PPP1R13L: variants seen among roughly 807,000 people sequenced by gnomAD.
PPP1R13L encodes the protein protein phosphatase 1 regulatory subunit 13 like.
A neutral mutation model predicts 80.9 loss-of-function variants in PPP1R13L; 50 were observed. That is an observed-to-expected ratio of 0.62 (90% CI 0.49 to 0.78). The LOEUF (loss-of-function observed/expected upper bound fraction) is 0.78, where lower values mean the gene tolerates loss of function less well. PPP1R13L is among the 30% of genes least tolerant of loss of function. The pLI is 0.00. For synonymous variants in PPP1R13L, 602 were observed against 534.3 expected (o/e 1.13, Z -1.75); for missense variants, 1,200 against 1,205.9 (o/e 1.00, Z 0.07).
intron 7 of PPP1R13L, 165 bp downstream of exon 7, chr19:45,395,271 G>A: frequency 1.1e-6 from 1 of 916,346 alleles, no homozygotes; most frequent in Non-Finnish European, 1.7e-6. Context: ...AGCTATCCCT[G>A]GCTCCTACCC....
chr19:45,396,659 G>T lies in PPP1R13L; in HGVS notation c.598C>A (p.Arg200Ser), dbSNP rs753074597. 2.2e-5 allele frequency: 32 copies of T among 1,463,532 alleles called. No homozygotes were observed. Among genetic ancestry groups the T allele is most frequent in the Non-Finnish European group, 2.6e-5 (29 of 1,118,854 alleles). 90.7% of individuals were successfully genotyped at this position (1,463,532 alleles called of 1,614,324 possible). A position where few individuals can be genotyped will look rare whatever the true frequency, so the allele number is the denominator to read the frequency against. Residue 200 changes from arginine (R) to serine (S), a missense_variant, in exon 4 of 13, where the codon CGT becomes AGT. Arg to Ser is a moderately radical substitution (Grantham distance 110, BLOSUM62 -1). Coordinates refer to ENST00000360957, the MANE Select transcript of PPP1R13L (RefSeq NM_006663.4). The surrounding 1 kb of genome is among the most constrained non-coding windows in gnomAD (Gnocchi z 5.3). ...AEGPQAFFPE[R>S]GPSPRPPATA... ...GCAGGGGGGCGCGGTGACGGCCCAC[G>T]CTCGGGGAAGAAGGCCTGGGGCCCC...
At chr19:45,392,843 T>G (rs1486747245) in intron 7 of PPP1R13L, 1 of 214,474 alleles carries the variant, frequency 4.7e-6, no homozygotes, top group Non-Finnish European at 9.4e-6. Flanking sequence ...GTCTTACTCA[T>G]TCTGACAGTA....
chr19:45,385,752 C>T (rs1251180368), intron 10 of PPP1R13L, 24 bp from the exon 11 acceptor site: 2 of 1,606,300 alleles, frequency 1.2e-6, no homozygotes. Context: ...TGGGGGGTTG[C>T]GGGGAACGAT....
intron 7 of PPP1R13L, among the ~76,000 whole-genome samples, chr19:45,394,384 C>T (rs931941420): frequency 2.0e-5 from 3 of 152,112 alleles, no homozygotes; most frequent in African/African-American, 7.2e-5. Context: ...CTCAAGCAAT[C>T]CTGTCTGCAT....
intron 6 of PPP1R13L, 68 bp from the exon 7 acceptor site, chr19:45,395,954 A>G (rs1443820705): frequency 7.0e-7 from 1 of 1,423,296 alleles, no homozygotes. Flanking sequence ...TAAAGACAAA[A>G]GACGAGAAGG....
chr19:45,385,462 C>T, intron 11 of PPP1R13L, 100 bp downstream of exon 11: 2 of 1,332,990 alleles, frequency 1.5e-6, no homozygotes, highest in Non-Finnish European at 2.0e-6. Context: ...GTGGTTGGTA[C>T]AGCCCCCATA....
chr19:45,401,232 G>A (rs1254075038), intron 1 of PPP1R13L, among the ~76,000 whole-genome samples: 3 of 151,768 alleles, frequency 2.0e-5, no homozygotes, highest in African/African-American at 4.8e-5. Flanking sequence ...GCGGGCGCCT[G>A]TAGTCCCAGC....
At position 45,395,717 on chromosome 19, in the gene PPP1R13L, C is replaced by T. The variant is rs1448562410; in HGVS notation, c.1073G>A (p.Ser358Asn). Residue 358 changes from serine (S) to asparagine (N), a missense_variant, in exon 7 of 13, where the codon AGC (serine) becomes AAC (asparagine). Coordinates refer to ENST00000360957, the MANE Select transcript of PPP1R13L (RefSeq NM_006663.4). ...PVSRIPMPPSSPQPRGAPRQR... is the reference protein window; with the variant it reads ...PVSRIPMPPSNPQPRGAPRQR... ...GCGCGGGGCCCCGCGGGGCTGGGGG[C>T]TGGAGGGGGGCATGGGGATGCGGCT... 4 of 1,350,638 alleles carry T rather than the reference C, an allele frequency of 3.0e-6. No individual in the cohort carries two copies. In the African/African-American group the frequency reaches 7.6e-5, roughly 26 times the overall value. The allele number at this position is 1,350,638 out of a possible 1,614,324, so 83.7% of individuals were successfully genotyped here.
At chr19:45,386,028 C>T (rs1972861167) in intron 9 of PPP1R13L, 21 bp downstream of exon 9, 1 of 1,590,112 alleles carries the variant, frequency 6.3e-7, no homozygotes, top group African/African-American at 1.3e-5. Flanking sequence ...CCGTGCCCAC[C>T]TCCCGCTCAG....
At chr19:45,381,611 G>A (rs551057655) in intron 12 of PPP1R13L, among the ~76,000 whole-genome samples, 75 of 152,172 alleles carry the variant, frequency 4.9e-4, no homozygotes, top group Admixed American at 1.2e-3. Context: ...GTACTGGCGA[G>A]CACCCTACAT....
intron 8 of PPP1R13L, among the ~76,000 whole-genome samples, chr19:45,390,661 C>T (rs1219825881): frequency 1.3e-5 from 2 of 152,140 alleles, no homozygotes; most frequent in African/African-American, 2.4e-5. Flanking sequence ...GAATAAAAAC[C>T]TCTTCCTTCT....
At chr19:45,402,777 C>T (rs1973258923) in intron 1 of PPP1R13L, among the ~76,000 whole-genome samples, 2 of 152,270 alleles carry the variant, frequency 1.3e-5, no homozygotes, top group Admixed American at 6.5e-5. Context: ...GTACTCTCCC[C>T]TGGGCTCCTC....
At position 45,385,454 on chromosome 19, in the gene PPP1R13L, G is replaced by T. The variant is rs112904634; in HGVS notation, c.2248+108C>A. ...CTCCTCCTCGGCAATCCTGCCAAGTGGTTGGTACAGCCCCCATACCCTTCT... is the reference window on the plus strand; with the variant it reads ...CTCCTCCTCGGCAATCCTGCCAAGTTGTTGGTACAGCCCCCATACCCTTCT... On this transcript the variant is annotated intron_variant, in intron 11 of 12. Transcript: ENST00000360957. 6.3e-6 allele frequency: 8 copies of T among 1,275,046 alleles called. No individual in the cohort carries two copies. The East Asian group carries it at 1.8e-4, about 29-fold the overall frequency. 79.0% of individuals were successfully genotyped at this position (1,275,046 alleles called of 1,614,324 possible).
Position 45,395,687 on chromosome 19 carries a change from C to T in PPP1R13L, c.1103G>A (p.Arg368His), listed in dbSNP as rs1225540934. Residue 368 changes from arginine to histidine, a missense_variant, in exon 7 of 13, where the codon CGT becomes CAT. By Grantham distance (29) the Arg-to-His change is conservative (BLOSUM62 0). Coordinates refer to ENST00000360957, the MANE Select transcript of PPP1R13L (RefSeq NM_006663.4). Reference sequence around the variant, plus strand: ...GAAGATCATGCTGAGGGGGATGGGACGCTGGCGCGGGGCCCCGCGGGGCTG... The same window carrying T: ...GAAGATCATGCTGAGGGGGATGGGATGCTGGCGCGGGGCCCCGCGGGGCTG... Reference protein sequence around the residue: ...SPQPRGAPRQRPIPLSMIFKL... With the variant: ...SPQPRGAPRQHPIPLSMIFKL... 1.6e-6 allele frequency: 2 copies of T among 1,289,418 alleles called. No individual in the cohort carries two copies. Among genetic ancestry groups the T allele is most frequent in the African/African-American group, 1.8e-5 (1 of 56,320 alleles). The allele number at this position is 1,289,418 out of a possible 1,614,324, so 79.9% of individuals were successfully genotyped here.
intron 12 of PPP1R13L, among the ~76,000 whole-genome samples, chr19:45,382,110 G>A (rs1258707800): frequency 6.6e-6 from 1 of 151,968 alleles, no homozygotes; most frequent in African/African-American, 2.4e-5. Flanking sequence ...GCGTGGTGGT[G>A]GTGGGCGCCT....
intron 1 of PPP1R13L, among the ~76,000 whole-genome samples, chr19:45,401,617 T>C (rs150797276): frequency 1.3e-5 from 2 of 152,294 alleles, no homozygotes; most frequent in South Asian, 2.1e-4. Context: ...AAAGAGCCTA[T>C]TGTTGGAAAG....
intron 8 of PPP1R13L, among the ~76,000 whole-genome samples, chr19:45,389,888 C>T (rs932781473): frequency 2.6e-5 from 4 of 151,812 alleles, no homozygotes; most frequent in African/African-American, 7.3e-5. Context: ...CTCCGCCTCC[C>T]GGGCTCACGC....
chr19:45,392,370 A>AG, intron 7 of PPP1R13L, 30 bp from the exon 8 acceptor site: 1 of 1,604,900 alleles, frequency 6.2e-7, no homozygotes, highest in Non-Finnish European at 8.5e-7. Context: ...ATCAGAGGAC[A>AG]GGTCCCCAGG....
rs765002611 is a variant in PPP1R13L, at chr19:45,396,923, G to A, written c.334C>T (p.Leu112=). ...SAPTLHPYSP[L]SPKGRPSSPR... is the part of the protein sequence containing the mutation. ...GACGACGGCCGTCCCTTGGGGGACA[G>A]CGGGCTGTAGGGGTGTAGGGTTGGG... The change falls in exon 4 of 13, where the codon CTG becomes TTG. Residue 112 remains leucine (L), a synonymous_variant. Coordinates refer to ENST00000360957, the MANE Select transcript of PPP1R13L (RefSeq NM_006663.4). The surrounding 1 kb of genome is among the most constrained non-coding windows in gnomAD (Gnocchi z 5.3). The A allele has an allele frequency of 6.7e-5, 100 of 1,490,954 alleles. No homozygotes were observed. The highest frequency in any genetic ancestry group is 8.5e-5 in the Non-Finnish European group (96 of 1,128,892). The allele number at this position is 1,490,954 out of a possible 1,614,324, so 92.4% of individuals were successfully genotyped here. A position where few individuals can be genotyped will look rare whatever the true frequency, so the allele number is the denominator to read the frequency against.
Sources: allele counts gnomAD v4.1 joint callset (sites outside exome capture counted in the v4.1 genomes callset), GRCh38; gene constraint gnomAD v4.1.1; non-coding constraint Gnocchi (gnomAD v3.1); transcripts MANE v1.5; gene names NCBI Gene and HGNC (gene_info 2026-07-23, HGNC 2026-07-21).